Variants in GRHL2 observed in about 807,000 individuals in gnomAD.
GRHL2 encodes the protein grainyhead like transcription factor 2, also known as grainyhead-like protein 2 homolog.
GRHL2 carries 21 observed loss-of-function variants against 83.8 expected under a neutral mutation model. That is an observed-to-expected ratio of 0.25 (90% confidence interval 0.18 to 0.36). The LOEUF (loss-of-function observed/expected upper bound fraction) is 0.36. Ranked by LOEUF, GRHL2 falls within the 10% of genes least tolerant of loss-of-function variation. GRHL2 has a pLI of 1.00. For synonymous variants in GRHL2, 280 were observed against 278.9 expected (o/e 1.00, Z -0.04); for missense variants, 623 against 781.8 (o/e 0.80, Z 2.42).
At position 101,611,501 on chromosome 8, in the gene GRHL2, C is replaced by T. The variant is rs992541085; in HGVS notation, c.1099-8038C>T. On this transcript the variant is annotated intron_variant, in intron 8 of 15. Coordinates refer to ENST00000646743, the MANE Select transcript of GRHL2 (RefSeq NM_024915.4). ...GGACAGCTGCCCACTCCCAGTACTCCCATCCCTCCCTTAGCTGAGGTGCTT... is the reference window on the plus strand; with the variant it reads ...GGACAGCTGCCCACTCCCAGTACTCTCATCCCTCCCTTAGCTGAGGTGCTT... Among the ~76,000 whole-genome samples the T allele has an allele frequency of 4.0e-5, 6 of 150,778 alleles. 1 individual carries two copies. Among genetic ancestry groups the T allele is most frequent in the African/African-American group, 1.5e-4 (6 of 40,242 alleles).
chr8:101,519,547 A>G (rs939891656), intron 1 of GRHL2, among the ~76,000 whole-genome samples: 1 of 146,652 alleles, frequency 6.8e-6, no homozygotes, highest in South Asian at 2.1e-4. Flanking sequence ...CAGGTGTGCC[A>G]CCATGACCAG....
intron 14 of GRHL2, among the ~76,000 whole-genome samples, chr8:101,658,072 C>T (rs773252884): frequency 3.3e-5 from 5 of 152,126 alleles, no homozygotes; most frequent in Non-Finnish European, 7.3e-5. Flanking sequence ...TTCCAGGGTT[C>T]TGAATTTGGC....
rs1005346622 is a variant in GRHL2 at position 101,541,205 on chromosome 8, T to G, written c.21-2036T>G. On this transcript the variant is annotated intron_variant, in intron 1 of 15. Transcript: ENST00000646743. ...GTGTGTGTGTGTACACCATGTTTTC[T>G]TTAACCACTCATAGATTGATGGGTA... is the stretch of plus-strand genomic sequence containing the variant. Among the ~76,000 whole-genome samples, 6 of 151,108 alleles carry G rather than the reference T, an allele frequency of 4.0e-5. No individual in the cohort carries two copies. The South Asian group carries it at 1.3e-3, about 32-fold the overall frequency.
chr8:101,632,147 G>A (rs1392850963), intron 10 of GRHL2, 79 bp from the exon 11 acceptor site: 5 of 1,489,832 alleles, frequency 3.4e-6, no homozygotes, highest in Admixed American at 1.7e-5. Context: ...TGAGAAAATC[G>A]TGGACTTTAG....
intron 7 of GRHL2, among the ~76,000 whole-genome samples, chr8:101,583,339 TA>T (rs1292584536): frequency 6.6e-6 from 1 of 152,190 alleles, no homozygotes; most frequent in Non-Finnish European, 1.5e-5. Context: ...AATACAAAGT[TA>T]ACCCAGGAGT....
intron 1 of GRHL2, among the ~76,000 whole-genome samples, chr8:101,518,086 G>C (rs13264789): frequency 0.17 from 25,755 of 152,010 alleles, 2,610 homozygotes; most frequent in Non-Finnish European, 0.23. Flanking sequence ...CTGAGACTTC[G>C]TCCACAGTAT....
chr8:101,546,725 A>G (rs1252938946), intron 2 of GRHL2, among the ~76,000 whole-genome samples: 1 of 152,142 alleles, frequency 6.6e-6, no homozygotes, highest in Non-Finnish European at 1.5e-5. Context: ...ATAATTAGTA[A>G]TTTATGAAGG....
intron 7 of GRHL2, among the ~76,000 whole-genome samples, chr8:101,591,421 AC>A (rs1387575022): frequency 6.6e-6 from 1 of 151,814 alleles, no homozygotes. Flanking sequence ...CTACTGAAGC[AC>A]CCCAACCTTG....
At chr8:101,650,427 T>A (rs1457790354) in intron 14 of GRHL2, among the ~76,000 whole-genome samples, 1 of 152,206 alleles carries the variant, frequency 6.6e-6, no homozygotes, top group East Asian at 1.9e-4. Flanking sequence ...TTGATGGACA[T>A]TGGAATTTTT....
chr8:101,515,908 T>C (rs1304071667), intron 1 of GRHL2, among the ~76,000 whole-genome samples: 2 of 152,212 alleles, frequency 1.3e-5, no homozygotes, highest in Non-Finnish European at 2.9e-5. Context: ...CTCTAAGCAC[T>C]GTCCATGGAT....
intron 1 of GRHL2, among the ~76,000 whole-genome samples, chr8:101,508,662 A>G (rs1810388394): frequency 1.3e-5 from 2 of 152,150 alleles, no homozygotes; most frequent in South Asian, 2.1e-4. Flanking sequence ...CCCCTGATCA[A>G]TGACCACAAA....
rs1814148910 is a variant in GRHL2 at position 101,669,214 on chromosome 8, TC to T, written c.*2513del. On this transcript the variant is annotated 3_prime_UTR_variant, in exon 16 of 16. Coordinates refer to ENST00000646743, the MANE Select transcript of GRHL2 (RefSeq NM_024915.4). ...CAAACTCAAATAAGCTTAAAAAAAA[TC>T]CATGGAAGATCATGGACATGTGAAA... is the stretch of plus-strand genomic sequence containing the variant. The T allele has an allele frequency of 6.7e-6, 1 of 148,570 alleles. No individual in the cohort carries two copies. The highest frequency in any genetic ancestry group is 2.5e-5 in the African/African-American group (1 of 40,778). The allele number at this position is 148,570 out of a possible 1,614,324, so 9.2% of individuals were successfully genotyped here.
the GRHL2 span, among the ~76,000 whole-genome samples, chr8:101,675,182 C>G: frequency 6.6e-6 from 1 of 152,068 alleles, no homozygotes; most frequent in East Asian, 1.9e-4. Context: ...CACTCCTATT[C>G]AACATAGTGT....
intron 8 of GRHL2, among the ~76,000 whole-genome samples, chr8:101,601,789 G>A (rs1455074613): frequency 6.6e-6 from 1 of 152,188 alleles, no homozygotes; most frequent in Non-Finnish European, 1.5e-5. Context: ...GACTACTGAA[G>A]AGCATTTAAT....
At chr8:101,551,108 C>T (rs1811371906) in intron 2 of GRHL2, among the ~76,000 whole-genome samples, 1 of 152,164 alleles carries the variant, frequency 6.6e-6, no homozygotes, top group Non-Finnish European at 1.5e-5. Flanking sequence ...TATCTGTCAT[C>T]TCCAATAGAT....
At chr8:101,645,859 G>A (rs760767793) in intron 13 of GRHL2, among the ~76,000 whole-genome samples, 1 of 152,148 alleles carries the variant, frequency 6.6e-6, no homozygotes, top group Non-Finnish European at 1.5e-5. Context: ...ACATTTAAAG[G>A]TTTACAAAAA....
the GRHL2 span, among the ~76,000 whole-genome samples, chr8:101,680,846 A>T: frequency 1.6e-5 from 2 of 125,156 alleles, no homozygotes; most frequent in African/African-American, 3.3e-5. Context: ...TAACGAAATG[A>T]AGGCAGAAAT....
chr8:101,591,569 T>C (rs191064614), intron 7 of GRHL2, among the ~76,000 whole-genome samples: 2 of 152,232 alleles, frequency 1.3e-5, no homozygotes, highest in East Asian at 3.9e-4. Flanking sequence ...CTGCTGACAA[T>C]GTGTTGTTGA....
intron 1 of GRHL2, among the ~76,000 whole-genome samples, chr8:101,530,081 C>T (rs569972925): frequency 6.6e-6 from 1 of 152,326 alleles, no homozygotes; most frequent in South Asian, 2.1e-4. Context: ...ATTGGGCACA[C>T]TGTACAGGAA....
Sources: allele counts gnomAD v4.1 joint callset (sites outside exome capture counted in the v4.1 genomes callset), GRCh38; gene constraint gnomAD v4.1.1; transcripts MANE v1.5; gene names NCBI Gene and HGNC (gene_info 2026-07-23, HGNC 2026-07-21).